Variants in TUBGCP3 observed in about 807,000 individuals in gnomAD.
The protein encoded by TUBGCP3 is tubulin gamma complex component 3.
A neutral mutation model predicts 123.1 loss-of-function variants in TUBGCP3; 50 were observed. The observed-to-expected ratio is 0.41, with a 90% CI of 0.32 to 0.51. TUBGCP3 has a LOEUF of 0.51. Ranked by LOEUF, TUBGCP3 falls within the 20% of genes least tolerant of loss-of-function variation. TUBGCP3 has a pLI of 0.36. For synonymous variants in TUBGCP3, 405 were observed against 413.9 expected (o/e 0.98, Z 0.26); for missense variants, 882 against 1,127.0 (o/e 0.78, Z 3.11).
chr13:112,504,582 C>G lies in TUBGCP3; in HGVS notation c.2175+44G>C, dbSNP rs764078921. Reference sequence around the variant, plus strand: ...TATATATACCATGTAAAAGCCAAGACATGACTTATTTAAACTAAAATCAAC... The same window carrying G: ...TATATATACCATGTAAAAGCCAAGAGATGACTTATTTAAACTAAAATCAAC... On this transcript the variant is annotated intron_variant, in intron 18 of 21. Transcript: ENST00000261965. The G allele has an allele frequency of 3.4e-6, 5 of 1,479,700 alleles. No homozygotes were observed. The Admixed American group carries it at 8.6e-5, about 26-fold the overall frequency. 91.7% of individuals were successfully genotyped at this position (1,479,700 alleles called of 1,614,324 possible). A position where few individuals can be genotyped will look rare whatever the true frequency, so the allele number is the denominator to read the frequency against.
At chr13:112,548,355 T>A (rs1036222420) in intron 8 of TUBGCP3, among the ~76,000 whole-genome samples, 179 bp from the exon 9 acceptor site, 1 of 152,156 alleles carries the variant, frequency 6.6e-6, no homozygotes, top group Non-Finnish European at 1.5e-5. Flanking sequence ...TTTAATAATA[T>A]GAAAAAAGTG....
intron 20 of TUBGCP3, among the ~76,000 whole-genome samples, chr13:112,495,252 CA>C (rs1332530985): frequency 6.6e-6 from 1 of 152,134 alleles, no homozygotes; most frequent in Non-Finnish European, 1.5e-5. Context: ...TGGCAAGAGA[CA>C]GGGGTCTAGT....
Position 112,588,112 on chromosome 13 carries a change from C to G in TUBGCP3, c.-132G>C. The G allele has an allele frequency of 1.4e-6, 1 of 730,180 alleles. No homozygotes were observed. Among genetic ancestry groups the G allele is most frequent in the Admixed American group, 4.4e-5 (1 of 22,932 alleles). 45.2% of individuals were successfully genotyped at this position (730,180 alleles called of 1,614,324 possible). A position where few individuals can be genotyped will look rare whatever the true frequency, so the allele number is the denominator to read the frequency against. On this transcript the variant is annotated 5_prime_UTR_variant, in exon 1 of 22. Coordinates refer to ENST00000261965, the MANE Select transcript of TUBGCP3 (RefSeq NM_006322.6). ...TGACAGGCTAAGGCGCGGGCGCCGC[C>G]GGCCACCAGGGCGCCATTTTAACGG... is the stretch of plus-strand genomic sequence containing the variant.
At chr13:112,507,610 G>T (rs1881389315) in intron 17 of TUBGCP3, among the ~76,000 whole-genome samples, 1 of 152,154 alleles carries the variant, frequency 6.6e-6, no homozygotes, top group Admixed American at 6.5e-5. Context: ...GACAGAAGCG[G>T]CTCAGTCCCA....
chr13:112,549,879 A>T (rs1190090210), intron 8 of TUBGCP3, among the ~76,000 whole-genome samples: 4 of 151,274 alleles, frequency 2.6e-5, no homozygotes, highest in Non-Finnish European at 1.5e-5. Context: ...GGTCCCAGCT[A>T]CTCAGGAGGC....
At position 112,545,586 on chromosome 13, in the gene TUBGCP3, C is replaced by T. The variant is rs1225640153; in HGVS notation, c.1335+113G>A. On this transcript the variant is annotated intron_variant, in intron 11 of 21. Coordinates refer to ENST00000261965, the MANE Select transcript of TUBGCP3 (RefSeq NM_006322.6). The surrounding 1 kb of genome is among the most constrained non-coding windows in gnomAD (Gnocchi z 4.1). ...ATGTATATGGTATTCAATGGAAGTG[C>T]AGTTGCATTCCTGTTAGGAGAACAT... The T allele has an allele frequency of 4.2e-6, 5 of 1,200,784 alleles. No individual in the cohort carries two copies. Among genetic ancestry groups the T allele is most frequent in the Non-Finnish European group, 6.0e-6 (5 of 830,240 alleles). 74.4% of individuals were successfully genotyped at this position (1,200,784 alleles called of 1,614,324 possible).
Position 112,520,748 on chromosome 13 carries a change from TAC to T in TUBGCP3, c.1746-729_1746-728del, listed in dbSNP as rs2139064149. Among the ~76,000 whole-genome samples the T allele has an allele frequency of 1.3e-5, 2 of 152,244 alleles. 1 individual carries two copies. Among genetic ancestry groups the T allele is most frequent in the South Asian group, 4.1e-4 (2 of 4,820 alleles). Reference sequence around the variant, plus strand: ...ATGATTCTAAAGGGCCAAGAAACACTACACTTTCAGCAAGCATTTCTTGAGGG... The same window carrying T: ...ATGATTCTAAAGGGCCAAGAAACACTACTTTCAGCAAGCATTTCTTGAGGG... On this transcript the variant is annotated intron_variant, in intron 14 of 21. Transcript: ENST00000261965.
rs117724686 is a variant in TUBGCP3, at chr13:112,501,237, A to G, written c.2308-2052T>C. On this transcript the variant is annotated intron_variant, in intron 19 of 21. Coordinates refer to ENST00000261965, the MANE Select transcript of TUBGCP3 (RefSeq NM_006322.6). ...CTGTCCTTTTGACAGGGTCTTAAAT[A>G]AGCAACATAAAAGATACAGACGGTT... Among the ~76,000 whole-genome samples the G allele has an allele frequency of 1.4e-3, 215 of 152,382 alleles. 4 individuals carry two copies. The East Asian group carries it at 0.033, about 23-fold the overall frequency.
At chr13:112,487,061 GTGTGTGTGTGTGTGTGTGTGTC>G (rs959416287) in intron 21 of TUBGCP3, among the ~76,000 whole-genome samples, 4 of 145,108 alleles carry the variant, frequency 2.8e-5, no homozygotes, top group East Asian at 4.1e-4. Context: ...GTATGTGTGT[GTGTGTGTGTGTGTGTGTGTGTC>G]TGTGTGTGTG....
At position 112,498,763 on chromosome 13, in the gene TUBGCP3, G is replaced by A. The variant is rs554896886; in HGVS notation, c.2448+282C>T. On this transcript the variant is annotated intron_variant, in intron 20 of 21. Coordinates refer to ENST00000261965, the MANE Select transcript of TUBGCP3 (RefSeq NM_006322.6). ...TGTGGAGATTCCGACGGGTGACATCGGCATTGTGGCACTCAGTAATGAAAA... is the reference window on the plus strand; with the variant it reads ...TGTGGAGATTCCGACGGGTGACATCAGCATTGTGGCACTCAGTAATGAAAA... The A allele has an allele frequency of 5.0e-5, 77 of 1,531,760 alleles. No individual in the cohort carries two copies. The Admixed American group carries it at 6.0e-4, about 12-fold the overall frequency. 94.9% of individuals were successfully genotyped at this position (1,531,760 alleles called of 1,614,324 possible).
At chr13:112,602,480 C>T in the TUBGCP3 span, among the ~76,000 whole-genome samples, 2 of 152,168 alleles carry the variant, frequency 1.3e-5, no homozygotes, top group Non-Finnish European at 2.9e-5. Context: ...GAATAACTCT[C>T]TTTTCCCTCG....
At position 112,528,749 on chromosome 13, in the gene TUBGCP3, C is replaced by T. The variant is rs555932075; in HGVS notation, c.1336-1265G>A. 6.6e-5 allele frequency among the ~76,000 whole-genome samples: 10 copies of T among 152,258 alleles called. No individual in the cohort carries two copies. The East Asian group carries it at 1.9e-3, about 29-fold the overall frequency. ...AAATGTCAGTCTTCCTTTATGGTTT[C>T]TGAGTTTCCTGTCTTCCTAAGATCT... On this transcript the variant is annotated intron_variant, in intron 11 of 21. Coordinates refer to ENST00000261965, the MANE Select transcript of TUBGCP3 (RefSeq NM_006322.6).
chr13:112,578,355 C>T (rs981999166), intron 1 of TUBGCP3, among the ~76,000 whole-genome samples: 1 of 151,058 alleles, frequency 6.6e-6, no homozygotes, highest in Non-Finnish European at 1.5e-5. Context: ...GTCAGGAGAT[C>T]GAGACCATCC....
At chr13:112,526,850 C>T (rs1399172856) in intron 13 of TUBGCP3, 92 bp downstream of exon 13, 2 of 921,702 alleles carry the variant, frequency 2.2e-6, no homozygotes, top group South Asian at 1.4e-5. Context: ...ACTACGTCAT[C>T]AACATCACTG....
chr13:112,565,828 G>C (rs534583980), intron 2 of TUBGCP3, among the ~76,000 whole-genome samples: 2 of 152,116 alleles, frequency 1.3e-5, no homozygotes, highest in Middle Eastern at 6.8e-3. Flanking sequence ...CCAGCCACCT[G>C]GGAGGCTGAG....
chr13:112,533,254 C>A (rs1471747253), intron 11 of TUBGCP3, among the ~76,000 whole-genome samples: 1 of 152,204 alleles, frequency 6.6e-6, no homozygotes, highest in Non-Finnish European at 1.5e-5. Context: ...CGCACCGCGT[C>A]ACCATTCAGC....
chr13:112,530,592 G>A (rs894955844), intron 11 of TUBGCP3, among the ~76,000 whole-genome samples: 5 of 152,238 alleles, frequency 3.3e-5, no homozygotes, highest in East Asian at 1.9e-4. Flanking sequence ...TCCACCGGCC[G>A]ACTGCAGGAC....
intron 1 of TUBGCP3, among the ~76,000 whole-genome samples, chr13:112,569,485 A>C (rs1219626534): frequency 6.6e-6 from 1 of 152,252 alleles, no homozygotes; most frequent in Non-Finnish European, 1.5e-5. Context: ...AGAGAGTCTG[A>C]AAAATCCTAG....
At chr13:112,593,034 G>C (rs1225382546), upstream of TUBGCP3, among the ~76,000 whole-genome samples, 1 of 152,212 alleles carries the variant, frequency 6.6e-6, no homozygotes, top group Non-Finnish European at 1.5e-5. Context: ...TAGAAAGAAA[G>C]AGATTAAAGG....
Sources: allele counts gnomAD v4.1 joint callset (sites outside exome capture counted in the v4.1 genomes callset), GRCh38; gene constraint gnomAD v4.1.1; non-coding constraint Gnocchi (gnomAD v3.1); transcripts MANE v1.5; gene names NCBI Gene and HGNC (gene_info 2026-07-23, HGNC 2026-07-21).